The following FBN2 variants were observed in gnomAD, a reference collection of about 807,000 sequenced individuals.
The protein encoded by FBN2 is fibrillin 2.
Under a neutral mutation model 355.6 loss-of-function variants are expected in FBN2, and 105 were observed. The ratio of observed to expected loss-of-function variants is 0.30; its 90% CI spans 0.25 to 0.35. The LOEUF is 0.35. Ranked by LOEUF, FBN2 falls within the 10% of genes least tolerant of loss-of-function variation. The pLI is 1.00. For synonymous variants in FBN2, 1,350 were observed against 1,301.2 expected (o/e 1.04, Z -0.81); for missense variants, 3,280 against 3,758.7 (o/e 0.87, Z 3.33).
intron 8 of FBN2, among the ~76,000 whole-genome samples, chr5:128,408,336 T>C (rs1752983789): frequency 6.6e-6 from 1 of 152,192 alleles, no homozygotes; most frequent in Admixed American, 6.6e-5. Context: ...GTAAATAAGA[T>C]GTTAATAACA....
At chr5:128,524,513 T>A (rs1756514674) in intron 4 of FBN2, among the ~76,000 whole-genome samples, 1 of 152,216 alleles carries the variant, frequency 6.6e-6, no homozygotes, top group South Asian at 2.1e-4. Context: ...AATAGAAGAA[T>A]GCTTTCTAAG....
At chr5:128,385,466 G>T (rs944485950) in intron 11 of FBN2, among the ~76,000 whole-genome samples, 1 of 152,118 alleles carries the variant, frequency 6.6e-6, no homozygotes, top group Non-Finnish European at 1.5e-5. Context: ...CCACTGATGG[G>T]CATTTAGGCT....
chr5:128,395,527 CA>C (rs1317265184), intron 8 of FBN2, among the ~76,000 whole-genome samples: 7 of 152,204 alleles, frequency 4.6e-5, no homozygotes, highest in Non-Finnish European at 7.3e-5. Context: ...TGAAGGAAAG[CA>C]ACAACCCAGT....
At chr5:128,487,859 A>G (rs34628042) in intron 5 of FBN2, among the ~76,000 whole-genome samples, 2 of 152,222 alleles carry the variant, frequency 1.3e-5, no homozygotes, top group Admixed American at 6.5e-5. Flanking sequence ...TATATTTCAC[A>G]TTACATCATA....
intron 5 of FBN2, among the ~76,000 whole-genome samples, chr5:128,476,325 TCAAA>T (rs1219382798): frequency 1.3e-5 from 2 of 152,074 alleles, no homozygotes; most frequent in African/African-American, 4.8e-5. Flanking sequence ...TAGATTTTAA[TCAAA>T]CAATGAAGTC....
intron 44 of FBN2, 30 bp downstream of exon 44, chr5:128,305,481 T>C: frequency 6.2e-7 from 1 of 1,613,228 alleles, no homozygotes; most frequent in Non-Finnish European, 8.5e-7. Flanking sequence ...TTGTGCTCAG[T>C]GCCAAAGAAT....
chr5:128,341,453 A>G (rs964581759), intron 25 of FBN2, among the ~76,000 whole-genome samples: 8 of 152,186 alleles, frequency 5.3e-5, no homozygotes, highest in Non-Finnish European at 1.2e-4. Context: ...GTCCCTCTTC[A>G]GGAAAGAAGG....
chr5:128,402,048 T>G (rs1752812038), intron 8 of FBN2, among the ~76,000 whole-genome samples: 1 of 152,148 alleles, frequency 6.6e-6, no homozygotes, highest in Non-Finnish European at 1.5e-5. Context: ...ATCTCACAGT[T>G]AAGGTCTCCA....
rs779527082 is a variant in FBN2, at chr5:128,259,417, G to A, written c.*38C>T. 1.2e-6 allele frequency: 2 copies of A among 1,611,214 alleles called. No homozygotes were observed. Among genetic ancestry groups the A allele is most frequent in the Non-Finnish European group, 8.5e-7 (1 of 1,178,990 alleles). On this transcript the variant is annotated 3_prime_UTR_variant, in exon 65 of 65. Transcript: ENST00000262464. Reference sequence around the variant, plus strand: ...TTTCAAATGCTTCTGCAGACTGGCTGTGCTAGGATTTGAGCCTGGGCCCAA... The same window carrying A: ...TTTCAAATGCTTCTGCAGACTGGCTATGCTAGGATTTGAGCCTGGGCCCAA...
Position 128,455,990 on chromosome 5 carries a change from CAAAAAAAAAAAAAAAAAA to C in FBN2, c.826+8716_826+8733del, listed in dbSNP as rs70997371. ...GAGCTCCTTGGGGGAGGGTTAGCAA[CAAAAAAAAAAAAAAAAAA>C]AAAAAAAAAAAAAAAGCAACTGCTG... is the stretch of plus-strand genomic sequence containing the variant. On this transcript the variant is annotated intron_variant, in intron 6 of 64. Transcript: ENST00000262464. 4.1e-3 allele frequency among the ~76,000 whole-genome samples: 103 copies of C among 25,288 alleles called. 1 individual carries two copies. In the South Asian group the frequency reaches 0.12, roughly 29 times the overall value. The allele number at this position is 25,288 out of a possible 152,430, so 16.6% of individuals were successfully genotyped here. A position where few individuals can be genotyped will look rare whatever the true frequency, so the allele number is the denominator to read the frequency against.
rs577067686 is a variant in FBN2 at position 128,414,335 on chromosome 5, T to C, written c.953-5536A>G. On this transcript the variant is annotated intron_variant, in intron 7 of 64. Transcript: ENST00000262464. ...ACCACTGATCTCATTTCTGTCTCTA[T>C]ATATTTGTTTATTCTGGACATTTCA... is the stretch of plus-strand genomic sequence containing the variant. 7.9e-5 allele frequency among the ~76,000 whole-genome samples: 12 copies of C among 152,296 alleles called. No homozygotes were observed. The South Asian group carries it at 1.9e-3, about 24-fold the overall frequency.
rs781728413 is a variant in FBN2, at chr5:128,259,645, C to T, written c.8549G>A (p.Arg2850Lys). The change falls in exon 65 of 65, where the codon AGG becomes AAG. Residue 2850 changes from arginine to lysine, a missense_variant. Arg to Lys is a conservative substitution (Grantham distance 26). Coordinates refer to ENST00000262464, the MANE Select transcript of FBN2 (RefSeq NM_001999.4). ...CGTGTGCAAGTAGCTGAGCCCATTC[C>T]TTTGGTGGATGCGGAAGACGCTGTC... ...NDDSVFRIHQRNGLSYLHTAK... is the reference protein window; with the variant it reads ...NDDSVFRIHQKNGLSYLHTAK... 1.9e-6 allele frequency: 3 copies of T among 1,614,014 alleles called. No homozygotes were observed. The highest frequency in any genetic ancestry group is 2.5e-6 in the Non-Finnish European group (3 of 1,179,994).
At chr5:128,370,403 G>A (rs1476858459) in intron 15 of FBN2, among the ~76,000 whole-genome samples, 1 of 151,978 alleles carries the variant, frequency 6.6e-6, no homozygotes, top group African/African-American at 2.4e-5. Flanking sequence ...ATGACCTGGG[G>A]GCATTTCTGA....
At chr5:128,480,488 A>G (rs1000488) in intron 5 of FBN2, among the ~76,000 whole-genome samples, 25,109 of 152,134 alleles carry the variant, frequency 0.17, 2,366 homozygotes, top group Non-Finnish European at 0.23. Context: ...TGTATGATGT[A>G]GATGTGTGAA....
intron 5 of FBN2, among the ~76,000 whole-genome samples, chr5:128,479,454 A>G (rs1755095826): frequency 6.6e-6 from 1 of 152,130 alleles, no homozygotes; most frequent in African/African-American, 2.4e-5. Context: ...AATACATTAC[A>G]TATTTTTACT....
chr5:128,366,602 T>C (rs990480298), intron 16 of FBN2, among the ~76,000 whole-genome samples, 172 bp from the exon 17 acceptor site: 24 of 152,072 alleles, frequency 1.6e-4, no homozygotes, highest in African/African-American at 5.3e-4. Flanking sequence ...TCTGAACTTA[T>C]AAATAAGCAT....
intron 39 of FBN2, among the ~76,000 whole-genome samples, chr5:128,310,949 T>A (rs1750038786): frequency 6.6e-6 from 1 of 152,188 alleles, no homozygotes; most frequent in Non-Finnish European, 1.5e-5. Context: ...CTGATCAATA[T>A]TAAGTTAATG....
At chr5:128,307,349 C>T (rs1749911637) in intron 41 of FBN2, 146 bp from the exon 42 acceptor site, 1 of 660,208 alleles carries the variant, frequency 1.5e-6, no homozygotes, top group Non-Finnish European at 2.7e-6. Flanking sequence ...GATAGCAATG[C>T]CAGCTTCTGC....
At chr5:128,524,606 A>C (rs1173794971) in intron 4 of FBN2, among the ~76,000 whole-genome samples, 4 of 152,116 alleles carry the variant, frequency 2.6e-5, no homozygotes, top group African/African-American at 9.7e-5. Flanking sequence ...TATTTCCAAG[A>C]CTTTTCTGGA....
Sources: gnomAD v4.1 joint callset for allele counts (sites outside exome capture counted in the v4.1 genomes callset) on GRCh38, gnomAD v4.1.1 for gene constraint, MANE v1.5 for transcripts, NCBI Gene and HGNC (gene_info 2026-07-23, HGNC 2026-07-21) for gene names.